PARD3: variants seen among roughly 807,000 people sequenced by gnomAD.
PARD3 encodes the protein par-3 family cell polarity regulator.
Under a neutral mutation model 155.4 loss-of-function variants are expected in PARD3, and 75 were observed. That is an observed-to-expected ratio of 0.48 (90% CI 0.40 to 0.58). PARD3 has a LOEUF of 0.58. PARD3 is among the 20% of genes least tolerant of loss of function. The pLI, the probability that PARD3 is intolerant of heterozygous loss-of-function variation, is 0.00. For missense variants in PARD3, 1,642 were observed against 1,721.7 expected, an observed-to-expected ratio of 0.95 and a Z score of 0.82; for synonymous variants, 576 against 610.5, an observed-to-expected ratio of 0.94 and a Z score of 0.83.
intron 22 of PARD3, among the ~76,000 whole-genome samples, chr10:34,172,635 C>T (rs189888229): frequency 2.0e-5 from 3 of 151,812 alleles, no homozygotes; most frequent in Admixed American, 6.6e-5. Context: ...GACTCAGATC[C>T]CCCATGCTGT....
At chr10:34,221,162 A>G (rs1192304489) in intron 22 of PARD3, among the ~76,000 whole-genome samples, 1 of 152,130 alleles carries the variant, frequency 6.6e-6, no homozygotes, top group Non-Finnish European at 1.5e-5. Context: ...TCACTATTTT[A>G]TCTTTGATAA....
chr10:34,726,308 G>A (rs572377050), intron 1 of PARD3, among the ~76,000 whole-genome samples: 19 of 152,230 alleles, frequency 1.2e-4, no homozygotes, highest in South Asian at 4.2e-4. Flanking sequence ...AAAATTAGCC[G>A]GGCACAGTGG....
Position 34,203,991 on chromosome 10 carries a change from C to G in PARD3, c.3419+65666G>C, listed in dbSNP as rs117215979. 5.3e-3 allele frequency among the ~76,000 whole-genome samples: 806 copies of G among 152,290 alleles called. 35 individuals are homozygous for G. The East Asian group carries it at 0.1, about 19-fold the overall frequency. On this transcript the variant is annotated intron_variant, in intron 22 of 24. Transcript: ENST00000374788. ...TGTTATGATTAAAACTCAGTGGCAG[C>G]TAGATTGTAGTTATAATTTTCATAA...
In PARD3 at chr10:34,469,990, G is replaced by A. The variant is rs115708576; in HGVS notation, c.582+95C>T. On this transcript the variant is annotated intron_variant, in intron 4 of 24. Coordinates refer to ENST00000374788, the MANE Select transcript of PARD3 (RefSeq NM_001184785.2). ...CAAAAGGCCATCATGAAGATGCCCT[G>A]GAATCCAATGGTTTACCCAAGACAC... The A allele has an allele frequency of 4.3e-4, 422 of 986,928 alleles. 5 individuals are homozygous for A. The African/African-American group carries it at 6.3e-3, about 15-fold the overall frequency. The allele number at this position is 986,928 out of a possible 1,614,324, so 61.1% of individuals were successfully genotyped here.
At chr10:34,452,278 G>A (rs1366100268) in intron 4 of PARD3, among the ~76,000 whole-genome samples, 1 of 152,084 alleles carries the variant, frequency 6.6e-6, no homozygotes. Flanking sequence ...AGTAGGAACT[G>A]TATTTCAGAG....
chr10:34,620,670 T>C (rs996757480), intron 2 of PARD3, among the ~76,000 whole-genome samples: 4 of 152,164 alleles, frequency 2.6e-5, no homozygotes, highest in Non-Finnish European at 2.9e-5. Flanking sequence ...CACAGATAAA[T>C]AGATAAAAAG....
intron 1 of PARD3, among the ~76,000 whole-genome samples, chr10:34,746,750 T>G (rs988947882): frequency 8.5e-5 from 13 of 152,208 alleles, no homozygotes; most frequent in African/African-American, 3.1e-4. Flanking sequence ...TCCAGGAATC[T>G]CCTCTGACAA....
At chr10:34,782,922 A>G (rs1840432756) in intron 1 of PARD3, among the ~76,000 whole-genome samples, 3 of 152,004 alleles carry the variant, frequency 2.0e-5, no homozygotes, top group African/African-American at 7.2e-5. Flanking sequence ...AACGGGTTTC[A>G]CCATGTTGGC....
At chr10:34,434,358 G>T (rs2076089556) in intron 5 of PARD3, among the ~76,000 whole-genome samples, 1 of 152,190 alleles carries the variant, frequency 6.6e-6, no homozygotes, top group Non-Finnish European at 1.5e-5. Context: ...TGTCTTAAGA[G>T]CTTTCCATGA....
intron 2 of PARD3, among the ~76,000 whole-genome samples, chr10:34,576,489 A>G (rs1409342969): frequency 6.6e-6 from 1 of 152,188 alleles, no homozygotes; most frequent in Non-Finnish European, 1.5e-5. Context: ...TTTGAAGAAG[A>G]TGATCTGAAA....
At chr10:34,215,635 T>C (rs956853065) in intron 22 of PARD3, among the ~76,000 whole-genome samples, 1 of 152,256 alleles carries the variant, frequency 6.6e-6, no homozygotes, top group Non-Finnish European at 1.5e-5. Context: ...GTCTTCTAGT[T>C]ACACTCTTCA....
chr10:34,689,395 T>TA (rs1424286458), intron 2 of PARD3, among the ~76,000 whole-genome samples: 5 of 152,192 alleles, frequency 3.3e-5, no homozygotes, highest in Admixed American at 1.3e-4. Flanking sequence ...TCATATTTCT[T>TA]ACAGTTTCAA....
intron 2 of PARD3, among the ~76,000 whole-genome samples, chr10:34,676,310 C>G (rs2093705260): frequency 6.6e-6 from 1 of 152,180 alleles, no homozygotes; most frequent in Non-Finnish European, 1.5e-5. Flanking sequence ...ATCCTGGCTC[C>G]TAGCAGGGAA....
chr10:34,768,228 C>A (rs112382493), intron 1 of PARD3, among the ~76,000 whole-genome samples: 2 of 152,224 alleles, frequency 1.3e-5, no homozygotes, highest in African/African-American at 4.8e-5. Context: ...GACACAGCCT[C>A]GGGAGGTCCT....
intron 2 of PARD3, among the ~76,000 whole-genome samples, chr10:34,620,290 C>G (rs79137761): frequency 6.6e-6 from 1 of 152,128 alleles, no homozygotes; most frequent in Non-Finnish European, 1.5e-5. Context: ...GAAACCCACG[C>G]CCATTTGTGA....
At chr10:34,775,184 C>T (rs116043240) in intron 1 of PARD3, among the ~76,000 whole-genome samples, 239 of 152,278 alleles carry the variant, frequency 1.6e-3, no homozygotes, top group African/African-American at 5.4e-3. Context: ...TACAGCAGCA[C>T]TCTAAATTTA....
chr10:34,814,539 G>T (rs957308914), intron 1 of PARD3, among the ~76,000 whole-genome samples: 154 of 152,116 alleles, frequency 1.0e-3, no homozygotes, highest in African/African-American at 3.6e-3. Flanking sequence ...GCTGGCTCGG[G>T]GCTTGGCTGG....
At chr10:34,517,738 A>G (rs188138335) in intron 2 of PARD3, among the ~76,000 whole-genome samples, 19 of 152,086 alleles carry the variant, frequency 1.2e-4, no homozygotes, top group African/African-American at 4.6e-4. Flanking sequence ...AGAATGAACA[A>G]AAGAGTGCAA....
intron 9 of PARD3, among the ~76,000 whole-genome samples, chr10:34,379,696 A>T (rs1841630271): frequency 6.6e-6 from 1 of 152,246 alleles, no homozygotes; most frequent in African/African-American, 2.4e-5. Context: ...AGTAGATATC[A>T]ATTTTCATTT....
Sources: gnomAD v4.1 joint callset for allele counts (sites outside exome capture counted in the v4.1 genomes callset) on GRCh38, gnomAD v4.1.1 for gene constraint, MANE v1.5 for transcripts, NCBI Gene and HGNC (gene_info 2026-07-23, HGNC 2026-07-21) for gene names.